The following WDR7 variants were observed in gnomAD, a reference collection of about 807,000 sequenced individuals.
WDR7 encodes the protein WD repeat domain 7, also known as WD repeat-containing protein 7.
In WDR7, 46 loss-of-function variants were observed where a neutral mutation model predicts 169.4. That is an observed-to-expected ratio of 0.27 (90% CI 0.21 to 0.35). The LOEUF is 0.35. Among genes scored for constraint, WDR7 ranks in the 10% least tolerant of loss-of-function variants. The probability of loss-of-function intolerance (pLI) is 1.00; values close to 1 mark genes in which losing one functional copy is unlikely to be tolerated. For synonymous variants in WDR7, 612 were observed against 666.8 expected (o/e 0.92, Z 1.27); for missense variants, 1,534 against 1,859.3 (o/e 0.83, Z 3.22).
At chr18:56,873,353 T>A (rs1306046428) in intron 20 of WDR7, among the ~76,000 whole-genome samples, 1 of 152,208 alleles carries the variant, frequency 6.6e-6, no homozygotes, top group African/African-American at 2.4e-5. Flanking sequence ...TACAATTCTT[T>A]CCATTAGCTT....
At chr18:56,792,844 A>G (rs2044515749) in intron 19 of WDR7, among the ~76,000 whole-genome samples, 1 of 152,092 alleles carries the variant, frequency 6.6e-6, no homozygotes, top group African/African-American at 2.4e-5. Flanking sequence ...ATTAGTAAAG[A>G]GTTAATACAA....
intron 20 of WDR7, among the ~76,000 whole-genome samples, chr18:56,842,759 G>A (rs1039362852): frequency 1.3e-5 from 2 of 152,156 alleles, no homozygotes; most frequent in African/African-American, 4.8e-5. Flanking sequence ...TACCGTGGAA[G>A]TATTTTAACG....
chr18:56,799,184 G>T (rs1421265), intron 19 of WDR7, among the ~76,000 whole-genome samples: 95,112 of 151,918 alleles, frequency 0.63, 30,004 homozygotes, highest in Admixed American at 0.69. Context: ...TTAAACAGCT[G>T]GAAAATAGAG....
intron 26 of WDR7, among the ~76,000 whole-genome samples, chr18:56,994,352 A>G (rs1251144036): frequency 1.4e-5 from 2 of 147,814 alleles, no homozygotes; most frequent in Non-Finnish European, 3.0e-5. Flanking sequence ...GGGCATTTTC[A>G]TTGTATTCTG....
At chr18:57,031,602 C>T (rs1190987403), downstream of WDR7, 1 of 152,160 alleles carries the variant, frequency 6.6e-6, no homozygotes, top group African/African-American at 2.4e-5. Flanking sequence ...AATATAGCTT[C>T]TATTTATATA....
chr18:56,825,509 T>C (rs1023482136), intron 20 of WDR7, among the ~76,000 whole-genome samples: 2 of 152,118 alleles, frequency 1.3e-5, no homozygotes, highest in African/African-American at 4.8e-5. Flanking sequence ...GAGAAGAAAA[T>C]GAGGCACAGA....
chr18:56,923,728 A>G (rs1269660089), intron 21 of WDR7, among the ~76,000 whole-genome samples, 194 bp from the exon 22 acceptor site: 1 of 152,214 alleles, frequency 6.6e-6, no homozygotes, highest in Non-Finnish European at 1.5e-5. Context: ...GTATAAAACA[A>G]TATAGCCTAA....
chr18:56,810,100 A>T (rs2145193742), intron 19 of WDR7, among the ~76,000 whole-genome samples: 1 of 152,292 alleles, frequency 6.6e-6, no homozygotes, highest in African/African-American at 2.4e-5. Context: ...AATTTTAAAA[A>T]ATATTATTCC....
chr18:56,830,746 G>A (rs1310390884), intron 20 of WDR7, among the ~76,000 whole-genome samples: 2 of 152,134 alleles, frequency 1.3e-5, no homozygotes, highest in East Asian at 1.9e-4. Flanking sequence ...TCGCTCTGTC[G>A]CCCAGGCTGG....
chr18:56,775,186 A>G (rs973266017), intron 16 of WDR7, among the ~76,000 whole-genome samples: 1 of 152,076 alleles, frequency 6.6e-6, no homozygotes, highest in African/African-American at 2.4e-5. Context: ...TTGTCCTTTC[A>G]GAATTAAGAG....
At chr18:56,827,867 A>T (rs2045236393) in intron 20 of WDR7, among the ~76,000 whole-genome samples, 1 of 152,184 alleles carries the variant, frequency 6.6e-6, no homozygotes, top group African/African-American at 2.4e-5. Context: ...AATTTAAAAA[A>T]AACAGCAAAA....
chr18:56,761,714 A>G (rs1380647874), intron 16 of WDR7, among the ~76,000 whole-genome samples: 4 of 151,762 alleles, frequency 2.6e-5, no homozygotes, highest in Admixed American at 6.6e-5. Flanking sequence ...TAGATATATA[A>G]CATATATATC....
In WDR7 at chr18:56,757,195, A is replaced by G. The variant is rs1391921474; in HGVS notation, c.2602A>G (p.Lys868Glu). The G allele has an allele frequency of 6.2e-7, 1 of 1,614,052 alleles. No homozygotes were observed. The highest frequency in any genetic ancestry group is 2.2e-5 in the East Asian group (1 of 44,884). ...ACATGGGAAAACAGAAGTAGGAAGGAAGCTGCCAGCGTCTGAGGGAGTAGG... is the reference window on the plus strand; with the variant it reads ...ACATGGGAAAACAGAAGTAGGAAGGGAGCTGCCAGCGTCTGAGGGAGTAGG... ...LSHGKTEVGRKLPASEGVGKG... is the reference protein window; with the variant it reads ...LSHGKTEVGRELPASEGVGKG... The change falls in exon 15 of 28, where the codon AAG (lysine) becomes GAG (glutamate). Residue 868 changes from lysine (K) to glutamate (E), a missense_variant. By Grantham distance (56) the Lys-to-Glu change is moderately conservative. Coordinates refer to ENST00000254442, the MANE Select transcript of WDR7 (RefSeq NM_015285.3).
intron 20 of WDR7, among the ~76,000 whole-genome samples, chr18:56,859,026 A>G (rs12327377): frequency 0.041 from 6,293 of 152,224 alleles, 173 homozygotes; most frequent in Middle Eastern, 0.095. Context: ...ATAGGATTCA[A>G]CTTCTGCTGT....
intron 19 of WDR7, among the ~76,000 whole-genome samples, chr18:56,809,839 T>C (rs2044838757): frequency 6.6e-6 from 1 of 152,130 alleles, no homozygotes; most frequent in African/African-American, 2.4e-5. Context: ...ATGCACACTT[T>C]TAAACATATT....
intron 21 of WDR7, among the ~76,000 whole-genome samples, chr18:56,889,333 GT>G (rs2145516381): frequency 6.6e-6 from 1 of 152,262 alleles, no homozygotes; most frequent in East Asian, 1.9e-4. Flanking sequence ...CATATCTCTT[GT>G]TACCCTGAAA....
At chr18:56,684,611 T>G (rs2025409266) in intron 5 of WDR7, among the ~76,000 whole-genome samples, 1 of 152,120 alleles carries the variant, frequency 6.6e-6, no homozygotes, top group South Asian at 2.1e-4. Context: ...ATTAAGAGAT[T>G]AGTTGCCCAG....
At chr18:56,895,150 A>G (rs2046314603) in intron 21 of WDR7, among the ~76,000 whole-genome samples, 1 of 152,056 alleles carries the variant, frequency 6.6e-6, no homozygotes, top group Non-Finnish European at 1.5e-5. Flanking sequence ...TAGCAAAATA[A>G]GAGTTATAAA....
intron 27 of WDR7, among the ~76,000 whole-genome samples, chr18:57,021,646 C>G (rs961743837): frequency 6.6e-6 from 1 of 152,090 alleles, no homozygotes; most frequent in African/African-American, 2.4e-5. Flanking sequence ...TATGTTTGAT[C>G]CTCACTGCTT....
Sources: allele counts gnomAD v4.1 joint callset (sites outside exome capture counted in the v4.1 genomes callset), GRCh38; gene constraint gnomAD v4.1.1; transcripts MANE v1.5; gene names NCBI Gene and HGNC (gene_info 2026-07-23, HGNC 2026-07-21).